HIVEP2: variants seen among roughly 807,000 people sequenced by gnomAD.
The protein encoded by HIVEP2 is HIVEP zinc finger 2.
Under a neutral mutation model 180.7 loss-of-function variants are expected in HIVEP2, and 14 were observed. That is an observed-to-expected ratio of 0.08 (90% CI 0.05 to 0.12). The LOEUF (loss-of-function observed/expected upper bound fraction) is 0.12. Among genes scored for constraint, HIVEP2 ranks in the 10% least tolerant of loss-of-function variants. The probability of loss-of-function intolerance (pLI) is 1.00; values close to 1 mark genes in which losing one functional copy is unlikely to be tolerated. For missense variants in HIVEP2, 2,579 were observed against 3,008.5 expected, an observed-to-expected ratio of 0.86 and a Z score of 3.34; for synonymous variants, 1,184 against 1,136.4, an observed-to-expected ratio of 1.04 and a Z score of -0.84.
rs371859689 is a variant in HIVEP2 at position 142,774,482 on chromosome 6, G to A, written c.257C>T (p.Pro86Leu). The change falls in exon 5 of 10, where the codon CCG becomes CTG. Residue 86 changes from proline (P) to leucine (L), a missense_variant. Pro to Leu is a moderately conservative substitution (Grantham distance 98). Transcript: ENST00000367603. This position sits in a 1 kb window ranked among gnomAD's most constrained non-coding sequence, Gnocchi z 5.1. Reference sequence around the variant, plus strand: ...GCATGAGTAAGGACTCGGACGATGCGGTGGATATTGCTTCTCTGCGACTTG... The same window carrying A: ...GCATGAGTAAGGACTCGGACGATGCAGTGGATATTGCTTCTCTGCGACTTG... ...VQQVAEKQYP[P>L]HRPSPYSCQH... 1.3e-5 allele frequency: 21 copies of A among 1,613,940 alleles called. No homozygotes were observed. Among genetic ancestry groups the A allele is most frequent in the African/African-American group, 1.1e-4 (8 of 74,858 alleles).
intron 9 of HIVEP2, among the ~76,000 whole-genome samples, chr6:142,757,436 G>C (rs780986969): frequency 6.6e-6 from 1 of 152,140 alleles, no homozygotes; most frequent in African/African-American, 2.4e-5. Flanking sequence ...CGAGGCAGGC[G>C]GATCATGAGG....
At chr6:142,858,306 C>T (rs2114946528) in intron 1 of HIVEP2, among the ~76,000 whole-genome samples, 1 of 152,176 alleles carries the variant, frequency 6.6e-6, no homozygotes, top group South Asian at 2.1e-4. Context: ...TCTGGCCCCT[C>T]TGCAAATGTC....
rs1775548232 is a variant in HIVEP2, at chr6:142,771,663, C to T, written c.3076G>A (p.Glu1026Lys). The change falls in exon 5 of 10, where the codon GAG (glutamate) becomes AAG (lysine). Residue 1026 changes from glutamate to lysine, a missense_variant. By Grantham distance (56) the Glu-to-Lys change is moderately conservative (BLOSUM62 1). Transcript: ENST00000367603. This position sits in a 1 kb window ranked among gnomAD's most constrained non-coding sequence, Gnocchi z 5.4. Reference protein sequence around the residue: ...LSVPGHHHQKEMRRCSSEQMP... With the variant: ...LSVPGHHHQKKMRRCSSEQMP... ...TGCTCTGATGAGCAGCGTCGCATCTCTTTCTGGTGGTGATGGCCTGGGACA... is the reference window on the plus strand; with the variant it reads ...TGCTCTGATGAGCAGCGTCGCATCTTTTTCTGGTGGTGATGGCCTGGGACA... 1 of 1,614,206 alleles carries T rather than the reference C, an allele frequency of 6.2e-7. No homozygotes were observed. Among genetic ancestry groups the T allele is most frequent in the South Asian group, 1.1e-5 (1 of 91,082 alleles).
intron 1 of HIVEP2, among the ~76,000 whole-genome samples, chr6:142,917,985 C>G (rs1296916895): frequency 2.0e-5 from 3 of 152,132 alleles, no homozygotes; most frequent in African/African-American, 7.2e-5. Flanking sequence ...GTTGGCCAGG[C>G]TGGTTTCAAA....
At chr6:142,838,941 C>T (rs963406455) in intron 1 of HIVEP2, among the ~76,000 whole-genome samples, 10 of 152,138 alleles carry the variant, frequency 6.6e-5, no homozygotes, top group African/African-American at 2.4e-4. Context: ...GCTCTCATTT[C>T]TAACTGGTTG....
At position 142,769,634 on chromosome 6, in the gene HIVEP2, G is replaced by A; in HGVS notation, c.5105C>T (p.Ala1702Val). 6.2e-7 allele frequency: 1 copy of A among 1,614,160 alleles called. No individual in the cohort carries two copies. Among genetic ancestry groups the A allele is most frequent in the South Asian group, 1.1e-5 (1 of 91,080 alleles). The stretch of plus-strand genomic sequence containing the variant: ...CATAGCAGCCAGAGTATAAATTTCT[G>A]CAGTGATTTTTTGCTTGGACCTCAG... ...ALLRSKQKIT[A>V]EIYTLAAMHR... The change falls in exon 5 of 10, where the codon GCA becomes GTA. Residue 1702 changes from alanine to valine, a missense_variant. Around this residue, in one of 11 missense-constraint regions of HIVEP2, gnomAD observed 349 missense variants for 367.2 expected, o/e 0.95. Transcript: ENST00000367603.
At chr6:142,881,005 C>A (rs1422808124) in intron 1 of HIVEP2, among the ~76,000 whole-genome samples, 1 of 152,080 alleles carries the variant, frequency 6.6e-6, no homozygotes, top group Non-Finnish European at 1.5e-5. Context: ...TTTCCCCATA[C>A]TAGACTCAAG....
At chr6:142,777,200 C>T (rs556976805) in intron 3 of HIVEP2, among the ~76,000 whole-genome samples, 62 of 152,220 alleles carry the variant, frequency 4.1e-4, no homozygotes, top group Admixed American at 1.9e-3. Context: ...CTTGCACAAG[C>T]GCACACCAAT....
intron 9 of HIVEP2, among the ~76,000 whole-genome samples, chr6:142,757,097 G>A (rs905079625): frequency 2.0e-5 from 3 of 152,118 alleles, no homozygotes; most frequent in Non-Finnish European, 2.9e-5. Flanking sequence ...TTCCCAACCT[G>A]TGTTGGCTAT....
intron 1 of HIVEP2, among the ~76,000 whole-genome samples, chr6:142,860,184 T>C (rs1010804747): frequency 6.6e-6 from 1 of 152,234 alleles, no homozygotes; most frequent in African/African-American, 2.4e-5. Flanking sequence ...GTACATGTAT[T>C]GACTTCATAT....
At chr6:142,883,400 C>A (rs1259511284) in intron 1 of HIVEP2, among the ~76,000 whole-genome samples, 2 of 151,936 alleles carry the variant, frequency 1.3e-5, no homozygotes, top group African/African-American at 4.8e-5. Context: ...TCAAATAGTT[C>A]TTATATGGAA....
chr6:142,809,022 CA>C (rs1353967226), intron 2 of HIVEP2, among the ~76,000 whole-genome samples: 1 of 152,080 alleles, frequency 6.6e-6, no homozygotes, highest in African/African-American at 2.4e-5. Context: ...GTATCCCACA[CA>C]AATCCGAGTA....
chr6:142,905,388 G>A (rs1777238413), intron 1 of HIVEP2, among the ~76,000 whole-genome samples: 4 of 152,078 alleles, frequency 2.6e-5, no homozygotes, highest in Admixed American at 2.0e-4. Context: ...ATCAATACGG[G>A]GGCCCACTAA....
At chr6:142,870,821 G>A (rs1164690890) in intron 1 of HIVEP2, among the ~76,000 whole-genome samples, 9 of 152,086 alleles carry the variant, frequency 5.9e-5, no homozygotes, top group Admixed American at 5.9e-4. Context: ...TAATTCCAGA[G>A]CCCACACTCT....
intron 2 of HIVEP2, among the ~76,000 whole-genome samples, chr6:142,802,949 T>C (rs1256107282): frequency 6.6e-6 from 1 of 152,134 alleles, no homozygotes; most frequent in African/African-American, 2.4e-5. Flanking sequence ...TGTTTTAAAA[T>C]AAATTGAGTT....
rs1446839495 is a variant in HIVEP2, at chr6:142,774,623, A to G, written c.116T>C (p.Phe39Ser). 6.2e-7 allele frequency: 1 copy of G among 1,614,182 alleles called. No homozygotes were observed. The highest frequency in any genetic ancestry group is 8.5e-7 in the Non-Finnish European group (1 of 1,180,036). Residue 39 changes from phenylalanine to serine, a missense_variant, in exon 5 of 10, where the codon TTT (phenylalanine) becomes TCT (serine). Physicochemically the swap from Phe to Ser is radical, Grantham distance 155 (BLOSUM62 -2). Around this residue, in one of 11 missense-constraint regions of HIVEP2, gnomAD observed 207 missense variants for 210.1 expected, o/e 0.99. Coordinates refer to ENST00000367603, the MANE Select transcript of HIVEP2 (RefSeq NM_006734.4). The surrounding 1 kb of genome is among the most constrained non-coding windows in gnomAD (Gnocchi z 5.1). ...EQSAVIKMST[F>S]GSHEGQRQPQ... ...TTGCCGCTGTCCTTCATGACTGCCA[A>G]AAGTGCTCATCTTAATAACAGCTGA...
In HIVEP2 at chr6:142,772,360, T is replaced by C. The variant is rs1194368441; in HGVS notation, c.2379A>G (p.Lys793=). The C allele has an allele frequency of 2.5e-6, 4 of 1,614,176 alleles. No individual in the cohort carries two copies. The highest frequency in any genetic ancestry group is 2.5e-6 in the Non-Finnish European group (3 of 1,180,018). ...SDKMSDLGGR[K]PPGNVISVIQ... is the part of the protein sequence containing the mutation. ...TCACAGAAATCACATTTCCAGGAGG[T>C]TTCCTGCCCCCTAGGTCTGACATCT... Residue 793 remains lysine (K), a synonymous_variant, in exon 5 of 10, where the codon AAA becomes AAG. Transcript: ENST00000367603. This position sits in a 1 kb window ranked among gnomAD's most constrained non-coding sequence, Gnocchi z 4.9.
intron 1 of HIVEP2, among the ~76,000 whole-genome samples, chr6:142,862,262 C>T (rs892685388): frequency 1.3e-5 from 2 of 151,896 alleles, no homozygotes; most frequent in African/African-American, 4.8e-5. Context: ...CTCCTTCAGA[C>T]AATTTCTCCC....
intron 2 of HIVEP2, among the ~76,000 whole-genome samples, chr6:142,796,854 G>A (rs548282764): frequency 8.0e-4 from 122 of 152,292 alleles, no homozygotes; most frequent in Non-Finnish European, 8.8e-5. Context: ...ATCACATGGC[G>A]TTTTAAGTGG....
Sources: allele counts gnomAD v4.1 joint callset (sites outside exome capture counted in the v4.1 genomes callset), GRCh38; gene constraint gnomAD v4.1.1; regional missense constraint gnomAD v4.1.1; non-coding constraint Gnocchi (gnomAD v3.1); transcripts MANE v1.5; gene names NCBI Gene and HGNC (gene_info 2026-07-23, HGNC 2026-07-21).